The following TRPS1 variants were observed in gnomAD, a reference collection of about 807,000 sequenced individuals.
TRPS1 encodes the protein transcriptional repressor GATA binding 1.
In TRPS1, 6 loss-of-function variants were observed where a neutral mutation model predicts 101.2. The ratio of observed to expected loss-of-function variants is 0.06; its 90% CI spans 0.03 to 0.12. The LOEUF (loss-of-function observed/expected upper bound fraction) is 0.12, where lower values mean the gene tolerates loss of function less well. TRPS1 is among the 10% of genes least tolerant of loss of function. The pLI is 1.00. For missense variants in TRPS1, 1,363 were observed against 1,567.0 expected (o/e 0.87, Z 2.20); for synonymous variants, 578 against 589.8 (o/e 0.98, Z 0.29).
At chr8:115,642,509 G>A (rs1299241144) in intron 1 of TRPS1, among the ~76,000 whole-genome samples, 1 of 151,954 alleles carries the variant, frequency 6.6e-6, no homozygotes, top group African/African-American at 2.4e-5. Context: ...AACCAAAAGA[G>A]TAATTCTAAT....
chr8:115,448,596 A>T (rs912529491), intron 5 of TRPS1, among the ~76,000 whole-genome samples: 1 of 152,160 alleles, frequency 6.6e-6, no homozygotes, highest in Non-Finnish European at 1.5e-5. Flanking sequence ...GGTGTCTCTA[A>T]TTCCGAGATA....
At chr8:115,532,349 C>T (rs1251120604) in intron 5 of TRPS1, among the ~76,000 whole-genome samples, 1 of 151,774 alleles carries the variant, frequency 6.6e-6, no homozygotes, top group African/African-American at 2.4e-5. Context: ...ATCTATAACC[C>T]AAAGACTTTT....
chr8:115,457,642 A>G (rs920429291), intron 5 of TRPS1, among the ~76,000 whole-genome samples: 7 of 152,372 alleles, frequency 4.6e-5, no homozygotes, highest in African/African-American at 7.2e-5. Flanking sequence ...AATAAAAAAT[A>G]ATAAATTAAA....
Position 115,418,578 on chromosome 8 carries a change from A to G in TRPS1, c.2701-126T>C. On this transcript the variant is annotated intron_variant, in intron 5 of 6. Coordinates refer to ENST00000395715, the MANE Select transcript of TRPS1 (RefSeq NM_014112.5). This position sits in a 1 kb window ranked among gnomAD's most constrained non-coding sequence, Gnocchi z 4.3. ...ACAGTATAAAACCACACTGCCCATAATGAGGTCAGGTTCAATTGTGTTTAA... is the reference window on the plus strand; with the variant it reads ...ACAGTATAAAACCACACTGCCCATAGTGAGGTCAGGTTCAATTGTGTTTAA... The G allele has an allele frequency of 7.7e-7, 1 of 1,307,028 alleles. No homozygotes were observed. Among genetic ancestry groups the G allele is most frequent in the Non-Finnish European group, 1.1e-6 (1 of 913,566 alleles). 81.0% of individuals were successfully genotyped at this position (1,307,028 alleles called of 1,614,324 possible).
At chr8:115,568,082 G>T (rs1172196671) in intron 5 of TRPS1, among the ~76,000 whole-genome samples, 1 of 152,058 alleles carries the variant, frequency 6.6e-6, no homozygotes, top group Non-Finnish European at 1.5e-5. Flanking sequence ...TAACTGAGAT[G>T]ATGACTGTGA....
chr8:115,536,574 A>G (rs1816328550), intron 5 of TRPS1, among the ~76,000 whole-genome samples: 1 of 151,222 alleles, frequency 6.6e-6, no homozygotes, highest in Admixed American at 6.6e-5. Context: ...TGCCATTTAC[A>G]TACTTTTAAA....
At chr8:115,654,720 T>C (rs989622735) in intron 1 of TRPS1, among the ~76,000 whole-genome samples, 1 of 152,220 alleles carries the variant, frequency 6.6e-6, no homozygotes, top group Non-Finnish European at 1.5e-5. Flanking sequence ...TTTATCTAAA[T>C]GAATCCAACA....
intron 5 of TRPS1, among the ~76,000 whole-genome samples, chr8:115,512,577 T>C (rs1276607411): frequency 1.3e-5 from 2 of 151,452 alleles, no homozygotes; most frequent in Non-Finnish European, 3.0e-5. Context: ...GTTCAATGAA[T>C]CACCATAATA....
At chr8:115,502,898 T>C (rs1176706983) in intron 5 of TRPS1, among the ~76,000 whole-genome samples, 4 of 152,312 alleles carry the variant, frequency 2.6e-5, no homozygotes, top group South Asian at 4.1e-4. Context: ...AGAGTCAAAC[T>C]TTCTTGGTAC....
At chr8:115,500,926 T>G (rs1354473253) in intron 5 of TRPS1, among the ~76,000 whole-genome samples, 1 of 152,180 alleles carries the variant, frequency 6.6e-6, no homozygotes, top group Non-Finnish European at 1.5e-5. Context: ...TTCTTGACAA[T>G]GATAAGGAAT....
At chr8:115,630,301 T>C (rs942093196) in intron 1 of TRPS1, among the ~76,000 whole-genome samples, 5 of 151,914 alleles carry the variant, frequency 3.3e-5, no homozygotes, top group African/African-American at 7.2e-5. Flanking sequence ...GTATTTTGTA[T>C]AGGCAATCTC....
rs199769246 is a variant in TRPS1, at chr8:115,441,892, A to T, written c.2701-23440T>A. Among the ~76,000 whole-genome samples, 615 of 114,306 alleles carry T rather than the reference A, an allele frequency of 5.4e-3. 2 individuals carry two copies. The highest frequency in any genetic ancestry group is 0.013 in the South Asian group (40 of 2,994). 75.0% of individuals were successfully genotyped at this position (114,306 alleles called of 152,430 possible). A position where few individuals can be genotyped will look rare whatever the true frequency, so the allele number is the denominator to read the frequency against. Reference sequence around the variant, plus strand: ...GAGAGAGAGAGAGAGAGAGAGAGAGAGAGAGAGTGTGTGTGTGTGTGTGTG... The same window carrying T: ...GAGAGAGAGAGAGAGAGAGAGAGAGTGAGAGAGTGTGTGTGTGTGTGTGTG... On this transcript the variant is annotated intron_variant, in intron 5 of 6. Transcript: ENST00000395715.
intron 5 of TRPS1, among the ~76,000 whole-genome samples, chr8:115,572,652 T>C (rs1202648734): frequency 1.3e-5 from 2 of 152,202 alleles, no homozygotes; most frequent in Non-Finnish European, 2.9e-5. Flanking sequence ...TATATTCAAT[T>C]ATTAAATGAA....
chr8:115,655,828 T>G (rs879929511), intron 1 of TRPS1, among the ~76,000 whole-genome samples: 1 of 152,068 alleles, frequency 6.6e-6, no homozygotes, highest in South Asian at 2.1e-4. Flanking sequence ...ATTTTTAAAA[T>G]TACACTTTCA....
intron 5 of TRPS1, among the ~76,000 whole-genome samples, chr8:115,517,737 T>C (rs929127269): frequency 4.6e-5 from 7 of 151,850 alleles, no homozygotes; most frequent in South Asian, 4.1e-4. Context: ...TTCCAGACTA[T>C]GTAGGAGAGA....
intron 1 of TRPS1, among the ~76,000 whole-genome samples, chr8:115,663,516 A>G (rs1242603145): frequency 6.6e-6 from 1 of 151,984 alleles, no homozygotes; most frequent in African/African-American, 2.4e-5. Flanking sequence ...TTAAAAATTA[A>G]AAGTTTTTTG....
intron 5 of TRPS1, among the ~76,000 whole-genome samples, chr8:115,555,959 A>T (rs192637300): frequency 1.3e-5 from 2 of 152,206 alleles, no homozygotes; most frequent in East Asian, 3.9e-4. Context: ...GGGAGGAGGG[A>T]GGCTGCAGTG....
intron 5 of TRPS1, among the ~76,000 whole-genome samples, chr8:115,431,917 A>T (rs185166152): frequency 6.6e-6 from 1 of 152,040 alleles, no homozygotes; most frequent in African/African-American, 2.4e-5. Flanking sequence ...AACATTGGCT[A>T]CTTTATAAAT....
chr8:115,466,042 C>T (rs970549696), intron 5 of TRPS1, among the ~76,000 whole-genome samples: 2 of 152,084 alleles, frequency 1.3e-5, no homozygotes, highest in African/African-American at 2.4e-5. Flanking sequence ...CAAATTCAAT[C>T]CAGAAACCTC....
Sources: gnomAD v4.1 joint callset for allele counts (sites outside exome capture counted in the v4.1 genomes callset) on GRCh38, gnomAD v4.1.1 for gene constraint, Gnocchi (gnomAD v3.1) non-coding constraint, MANE v1.5 for transcripts, NCBI Gene and HGNC (gene_info 2026-07-23, HGNC 2026-07-21) for gene names.